The following CPLX2 variants were observed in gnomAD, a reference collection of about 807,000 sequenced individuals.
The protein encoded by CPLX2 is complexin 2.
CPLX2 carries 5 observed loss-of-function variants against 16.3 expected under a neutral mutation model. The ratio of observed to expected loss-of-function variants is 0.31; its 90% CI spans 0.16 to 0.64. CPLX2 has a LOEUF of 0.64. Among genes scored for constraint, CPLX2 ranks in the 30% least tolerant of loss-of-function variants. The pLI is 0.79. For missense variants in CPLX2, 144 were observed against 181.4 expected (o/e 0.79, Z 1.18); for synonymous variants, 89 against 73.2 (o/e 1.22, Z -1.10).
At chr5:175,871,748 G>A (rs556869904) in intron 1 of CPLX2, 43 bp downstream of exon 1, 13 of 152,714 alleles carry the variant, frequency 8.5e-5, no homozygotes, top group Non-Finnish European at 1.6e-4. Context: ...CTGGGCTGTG[G>A]GCAACAGGGT....
chr5:175,802,064 T>C lies in CPLX2; in HGVS notation c.-169+5280T>C, dbSNP rs1427915. The stretch of plus-strand genomic sequence containing the variant: ...AGGCAGTATATATTTTGTCCCATCA[T>C]TGCATCCTCAGAGTCTAGAATAATG... On this transcript the variant is annotated intron_variant, in intron 1 of 4. Transcript: ENST00000359546. 2.8e-3 allele frequency among the ~76,000 whole-genome samples: 419 copies of C among 152,358 alleles called. 1 individual carries two copies. The highest frequency in any genetic ancestry group is 9.7e-3 in the African/African-American group (402 of 41,580).
intron 2 of CPLX2, among the ~76,000 whole-genome samples, chr5:175,848,866 C>T (rs1371532369): frequency 6.6e-6 from 1 of 152,108 alleles, no homozygotes; most frequent in African/African-American, 2.4e-5. Context: ...GGTCCTGAGG[C>T]AGGAACAAGC....
Position 175,879,101 on chromosome 5 carries a change from G to T in CPLX2, c.207+18G>T. ...GAGATAAGGTCAGCTCCGCCCGCCC[G>T]CCCGTCCTGGGGAGGGCCACAAGCG... is the stretch of plus-strand genomic sequence containing the variant. On this transcript the variant is annotated intron_variant, in intron 3 of 3. Transcript: ENST00000393745. 1.9e-6 allele frequency: 3 copies of T among 1,552,074 alleles called. No individual in the cohort carries two copies. The highest frequency in any genetic ancestry group is 2.6e-6 in the Non-Finnish European group (3 of 1,147,592).
At chr5:175,821,111 C>T (rs1758500256) in intron 2 of CPLX2, among the ~76,000 whole-genome samples, 1 of 152,158 alleles carries the variant, frequency 6.6e-6, no homozygotes, top group South Asian at 2.1e-4. Context: ...CAGCTTCTCC[C>T]CTCCCGCCCC....
chr5:175,820,939 C>A (rs944645918), intron 2 of CPLX2, among the ~76,000 whole-genome samples: 51 of 152,196 alleles, frequency 3.4e-4, no homozygotes, highest in Non-Finnish European at 8.8e-5. Flanking sequence ...GGTCCCAGAG[C>A]AGAGTCAGGA....
At chr5:175,864,083 A>G (rs114763022) in intron 2 of CPLX2, among the ~76,000 whole-genome samples, 1 of 152,222 alleles carries the variant, frequency 6.6e-6, no homozygotes, top group African/African-American at 2.4e-5. Context: ...GGTGTTGGAG[A>G]GAAAGAGGGA....
Position 175,872,524 on chromosome 5 carries a change from T to C in CPLX2, c.-89+819T>C, listed in dbSNP as rs1332973476. ...AGGACAGAGCTGCTGGGGGTGTGGGTCTCCGCGGGGGTCCGGGAGAGGGGC... is the reference window on the plus strand; with the variant it reads ...AGGACAGAGCTGCTGGGGGTGTGGGCCTCCGCGGGGGTCCGGGAGAGGGGC... On this transcript the variant is annotated intron_variant, in intron 1 of 3. Transcript: ENST00000393745. The surrounding 1 kb of genome is among the most constrained non-coding windows in gnomAD (Gnocchi z 5.0). 6.6e-6 allele frequency among the ~76,000 whole-genome samples: 1 copy of C among 151,620 alleles called. No homozygotes were observed. The highest frequency in any genetic ancestry group is 2.4e-5 in the African/African-American group (1 of 41,246).
Position 175,854,986 on chromosome 5 carries a change from G to A in CPLX2, c.-88-23666G>A, listed in dbSNP as rs150137261. ...CCACCCAGCAGAAGAGATAAACCCA[G>A]AACAAATAATTATTGAAGTTCAGTG... On this transcript the variant is annotated intron_variant, in intron 2 of 4. Coordinates refer to the CPLX2 transcript ENST00000359546. 1.5e-3 allele frequency among the ~76,000 whole-genome samples: 228 copies of A among 152,280 alleles called. 2 individuals carry two copies. The highest frequency in any genetic ancestry group is 5.3e-3 in the African/African-American group (222 of 41,574).
chr5:175,820,245 G>A (rs1174509665), intron 2 of CPLX2, among the ~76,000 whole-genome samples: 1 of 152,220 alleles, frequency 6.6e-6, no homozygotes, highest in African/African-American at 2.4e-5. Flanking sequence ...AGAAATCACT[G>A]AGGGAAACTG....
intron 2 of CPLX2, among the ~76,000 whole-genome samples, chr5:175,827,206 C>A (rs185368001): frequency 2.0e-5 from 3 of 152,318 alleles, no homozygotes; most frequent in Admixed American, 2.0e-4. Context: ...ACTGATTGGC[C>A]TAAACCGTGG....
chr5:175,864,260 C>T (rs962682286), intron 2 of CPLX2, among the ~76,000 whole-genome samples: 1 of 152,200 alleles, frequency 6.6e-6, no homozygotes, highest in Admixed American at 6.5e-5. Context: ...AGATTTAACT[C>T]CCTGTCTTTA....
chr5:175,871,058 TG>T (rs545362076), upstream of CPLX2, among the ~76,000 whole-genome samples: 212 of 152,152 alleles, frequency 1.4e-3, 1 homozygote, highest in African/African-American at 5.0e-3. Context: ...AGGGCTTGTC[TG>T]GGAGTGGCAG....
intron 2 of CPLX2, among the ~76,000 whole-genome samples, chr5:175,851,116 G>A (rs576949192): frequency 6.6e-6 from 1 of 152,208 alleles, no homozygotes; most frequent in African/African-American, 2.4e-5. Context: ...CATCTTGCGT[G>A]TGAGGAGCCT....
chr5:175,849,868 G>A lies in CPLX2; in HGVS notation c.-88-28784G>A, dbSNP rs1002800030. Among the ~76,000 whole-genome samples the A allele has an allele frequency of 3.9e-5, 6 of 152,224 alleles. No individual in the cohort carries two copies. The highest frequency in any genetic ancestry group is 1.4e-4 in the African/African-American group (6 of 41,462). ...CACCAGGTGGGCTCTCAGCAAACAT[G>A]AGTCCCTTCCTCAAATATTAATGGA... is the stretch of plus-strand genomic sequence containing the variant. On this transcript the variant is annotated intron_variant, in intron 2 of 4. Transcript: ENST00000359546. The surrounding 1 kb of genome is among the most constrained non-coding windows in gnomAD (Gnocchi z 4.4).
intron 2 of CPLX2, among the ~76,000 whole-genome samples, chr5:175,847,162 C>T (rs948470094): frequency 1.3e-5 from 2 of 152,182 alleles, no homozygotes; most frequent in African/African-American, 4.8e-5. Context: ...GAGGCCACCG[C>T]AGGAAGTTTC....
At chr5:175,836,158 G>A (rs1758833067) in intron 2 of CPLX2, among the ~76,000 whole-genome samples, 1 of 152,102 alleles carries the variant, frequency 6.6e-6, no homozygotes, top group Non-Finnish European at 1.5e-5. Context: ...AAACCATCCT[G>A]GCTAACACGG....
chr5:175,805,523 C>A (rs549956017), intron 1 of CPLX2: 1 of 152,376 alleles, frequency 6.6e-6, no homozygotes, highest in Admixed American at 6.5e-5. Flanking sequence ...GGGTCAGAAC[C>A]CAGCTCCCAA....
chr5:175,821,692 G>A (rs1758512926), intron 2 of CPLX2, among the ~76,000 whole-genome samples: 1 of 152,236 alleles, frequency 6.6e-6, no homozygotes, highest in Non-Finnish European at 1.5e-5. Flanking sequence ...ACAGGCGTGA[G>A]CCACCACGCC....
chr5:175,812,104 T>A (rs1050537249), intron 2 of CPLX2, among the ~76,000 whole-genome samples: 2 of 152,038 alleles, frequency 1.3e-5, no homozygotes, highest in African/African-American at 4.8e-5. Context: ...GGGATCTGAG[T>A]GAGATGTGAT....
Sources: gnomAD v4.1 joint callset for allele counts (sites outside exome capture counted in the v4.1 genomes callset) on GRCh38, gnomAD v4.1.1 for gene constraint, Gnocchi (gnomAD v3.1) non-coding constraint, MANE v1.5 for transcripts, NCBI Gene and HGNC (gene_info 2026-07-23, HGNC 2026-07-21) for gene names.